The following RAD51B variants were observed in gnomAD, a reference collection of about 807,000 sequenced individuals.
The protein encoded by RAD51B is RAD51 paralog B, also known as DNA repair protein RAD51 homolog 2.
A neutral mutation model predicts 42.2 loss-of-function variants in RAD51B; 38 were observed. The observed-to-expected ratio is 0.90, with a 90% CI of 0.70 to 1.18. The LOEUF is 1.18. Among genes scored for constraint, RAD51B ranks in the 50% most tolerant of loss-of-function variants. RAD51B has a pLI of 0.00. For synonymous variants in RAD51B, 154 were observed against 145.2 expected, an observed-to-expected ratio of 1.06 and a Z score of -0.43; for missense variants, 373 against 400.7, an observed-to-expected ratio of 0.93 and a Z score of 0.59.
At chr14:68,616,436 A>T (rs1595030147), downstream of RAD51B, among the ~76,000 whole-genome samples, 1 of 152,132 alleles carries the variant, frequency 6.6e-6, no homozygotes, top group Non-Finnish European at 1.5e-5. Flanking sequence ...CATTGTTTTG[A>T]TCAGAAGTCT....
intron 10 of RAD51B, among the ~76,000 whole-genome samples, chr14:68,488,177 G>T (rs8017506): frequency 8.4e-5 from 12 of 143,364 alleles, no homozygotes; most frequent in Non-Finnish European, 1.5e-4. Context: ...CAGAAATTAC[G>T]TTCTGTTTCT....
chr14:68,351,040 T>C (rs1180176362), intron 8 of RAD51B, among the ~76,000 whole-genome samples: 4 of 152,164 alleles, frequency 2.6e-5, no homozygotes, highest in African/African-American at 7.2e-5. Flanking sequence ...TTCAATAAAC[T>C]TGTAGAAGGT....
chr14:68,435,150 T>C (rs2085115158), intron 9 of RAD51B, among the ~76,000 whole-genome samples: 2 of 152,156 alleles, frequency 1.3e-5, no homozygotes, highest in Admixed American at 6.5e-5. Flanking sequence ...TAGTACCCCA[T>C]AGGTGTTGTT....
At chr14:67,981,179 A>G (rs1022616430) in intron 7 of RAD51B, among the ~76,000 whole-genome samples, 1 of 152,184 alleles carries the variant, frequency 6.6e-6, no homozygotes. Flanking sequence ...GCCCAATGTC[A>G]TTAATTGTTA....
chr14:68,236,110 A>T (rs1359201060), intron 7 of RAD51B: 1 of 152,314 alleles, frequency 6.6e-6, no homozygotes, highest in South Asian at 2.1e-4. Context: ...ATCAGATACT[A>T]TGCTTATTAC....
intron 7 of RAD51B, among the ~76,000 whole-genome samples, chr14:68,048,663 A>G (rs7161069): frequency 0.27 from 41,705 of 152,126 alleles, 7,456 homozygotes; most frequent in African/African-American, 0.51. Context: ...GTGAAATATC[A>G]TCTCACACCA....
rs1020627361 is a variant in RAD51B at position 68,092,930 on chromosome 14, A to G, written c.757-198954A>G. 8.6e-5 allele frequency among the ~76,000 whole-genome samples: 13 copies of G among 150,688 alleles called. 1 individual carries two copies. In the South Asian group the frequency reaches 2.6e-3, roughly 30 times the overall value. On this transcript the variant is annotated intron_variant, in intron 7 of 10. Transcript: ENST00000471583. Reference sequence around the variant, plus strand: ...ATGAAGGGTCGTTGAATTTTGTCAAAGGCTTTTTCTGCATCTATTGAGATA... The same window carrying G: ...ATGAAGGGTCGTTGAATTTTGTCAAGGGCTTTTTCTGCATCTATTGAGATA...
chr14:68,056,955 A>G (rs552702576), intron 7 of RAD51B, among the ~76,000 whole-genome samples: 1 of 151,586 alleles, frequency 6.6e-6, no homozygotes, highest in East Asian at 2.0e-4. Context: ...CCACCATGGT[A>G]GCAGATGCCT....
chr14:68,535,016 A>G (rs373239586), intron 10 of RAD51B, among the ~76,000 whole-genome samples: 57 of 152,274 alleles, frequency 3.7e-4, no homozygotes, highest in African/African-American at 1.3e-3. Context: ...AAGGTTAAGT[A>G]GCTTGCCTAA....
intron 10 of RAD51B, among the ~76,000 whole-genome samples, chr14:68,493,579 T>G (rs1217845516): frequency 2.0e-5 from 3 of 152,234 alleles, no homozygotes; most frequent in Admixed American, 6.5e-5. Context: ...GGATTTTATT[T>G]TTTAGCCATT....
chr14:68,278,150 C>T (rs1450850470), intron 7 of RAD51B, among the ~76,000 whole-genome samples: 11 of 152,086 alleles, frequency 7.2e-5, no homozygotes, highest in Admixed American at 2.0e-4. Flanking sequence ...TACTAGTTGC[C>T]CTAGAGAAGA....
At chr14:68,059,639 C>G (rs532219703) in intron 7 of RAD51B, among the ~76,000 whole-genome samples, 5 of 152,286 alleles carry the variant, frequency 3.3e-5, no homozygotes, top group African/African-American at 1.2e-4. Context: ...TCCATGACAT[C>G]CTGTTTCCCT....
chr14:68,331,041 T>C (rs1566813372), intron 8 of RAD51B, among the ~76,000 whole-genome samples: 1 of 152,070 alleles, frequency 6.6e-6, no homozygotes, highest in Non-Finnish European at 1.5e-5. Context: ...AAAACAATTC[T>C]AGGTTTATAC....
chr14:68,447,295 T>C (rs4902591), intron 9 of RAD51B, among the ~76,000 whole-genome samples: 19,406 of 152,246 alleles, frequency 0.13, 1,548 homozygotes, highest in East Asian at 0.47. Flanking sequence ...ATTCTAATAA[T>C]GAGAACCTGT....
intron 10 of RAD51B, among the ~76,000 whole-genome samples, chr14:68,581,012 A>G (rs989728348): frequency 3.9e-5 from 6 of 152,012 alleles, no homozygotes; most frequent in Admixed American, 6.6e-5. Context: ...AGCATTAATT[A>G]CTTTTATTAA....
chr14:67,860,032 G>T (rs566979062), intron 4 of RAD51B, among the ~76,000 whole-genome samples: 2 of 152,268 alleles, frequency 1.3e-5, no homozygotes, highest in African/African-American at 4.8e-5. Flanking sequence ...ATGTTGGTCA[G>T]ACTGGTCTCG....
chr14:68,457,652 G>A (rs913465967), intron 9 of RAD51B, among the ~76,000 whole-genome samples: 9 of 151,904 alleles, frequency 5.9e-5, no homozygotes, highest in African/African-American at 2.2e-4. Flanking sequence ...AGGCTGGAGT[G>A]CAGTGACACA....
At chr14:68,004,222 A>G (rs2075538918) in intron 7 of RAD51B, among the ~76,000 whole-genome samples, 1 of 150,992 alleles carries the variant, frequency 6.6e-6, no homozygotes, top group Non-Finnish European at 1.5e-5. Flanking sequence ...AGTCCCAGCT[A>G]CTCGGGACGC....
At chr14:67,827,161 A>G (rs991598479) in intron 3 of RAD51B, among the ~76,000 whole-genome samples, 1 of 152,214 alleles carries the variant, frequency 6.6e-6, no homozygotes, top group African/African-American at 2.4e-5. Context: ...TTAAAATACT[A>G]TGCAATGATT....
Sources: gnomAD v4.1 joint callset for allele counts (sites outside exome capture counted in the v4.1 genomes callset) on GRCh38, gnomAD v4.1.1 for gene constraint, MANE v1.5 for transcripts, NCBI Gene and HGNC (gene_info 2026-07-23, HGNC 2026-07-21) for gene names.